The following CHCHD6 variants were observed in gnomAD, a reference collection of about 807,000 sequenced individuals.
CHCHD6 encodes MICOS complex subunit MIC25.
Under a neutral mutation model 32.3 loss-of-function variants are expected in CHCHD6, and 28 were observed. That is an observed-to-expected ratio of 0.87 (90% CI 0.64 to 1.19). CHCHD6 has a LOEUF of 1.19. Among genes scored for constraint, CHCHD6 ranks in the 50% most tolerant of loss-of-function variants. CHCHD6 has a pLI of 0.00. For synonymous variants in CHCHD6, 122 were observed against 117.5 expected (o/e 1.04, Z -0.25); for missense variants, 333 against 307.0 (o/e 1.08, Z -0.63).
chr3:126,747,780 C>T (rs951694844), intron 4 of CHCHD6, among the ~76,000 whole-genome samples: 6 of 152,168 alleles, frequency 3.9e-5, no homozygotes, highest in African/African-American at 1.2e-4. Context: ...CAGAGACTTC[C>T]TCCATGCCCA....
chr3:126,803,871 C>T (rs1939212586), intron 4 of CHCHD6, among the ~76,000 whole-genome samples: 1 of 152,180 alleles, frequency 6.6e-6, no homozygotes, highest in South Asian at 2.1e-4. Context: ...GTCTCTCAGA[C>T]CACAGTGCAA....
intron 2 of CHCHD6, among the ~76,000 whole-genome samples, chr3:126,728,486 A>C (rs1363194257): frequency 2.6e-5 from 4 of 152,178 alleles, no homozygotes; most frequent in African/African-American, 9.7e-5. Flanking sequence ...ACCCACCCCA[A>C]GATCTTTCTG....
At chr3:126,816,297 C>T (rs1939894933) in intron 4 of CHCHD6, among the ~76,000 whole-genome samples, 1 of 152,226 alleles carries the variant, frequency 6.6e-6, no homozygotes, top group Non-Finnish European at 1.5e-5. Flanking sequence ...TTGGCGCTTT[C>T]TCGTTGGCGT....
rs1397977918 is a variant in CHCHD6, at chr3:126,767,153, T to C, written c.411+33931T>C. The C allele has an allele frequency of 7.8e-5, 124 of 1,589,014 alleles. 1 individual carries two copies. Among genetic ancestry groups the C allele is most frequent in the Non-Finnish European group, 1.8e-5 (21 of 1,159,224 alleles). ...ACCATATTCATGGCACCCAAAGGAA[T>C]AGAGGTTTCCTTTGCAGTCCATTAT... On this transcript the variant is annotated intron_variant, in intron 4 of 7. Coordinates refer to ENST00000290913, the MANE Select transcript of CHCHD6 (RefSeq NM_032343.3).
At chr3:126,809,395 C>T (rs1222893540) in intron 4 of CHCHD6, among the ~76,000 whole-genome samples, 1 of 152,204 alleles carries the variant, frequency 6.6e-6, no homozygotes, top group Non-Finnish European at 1.5e-5. Flanking sequence ...TCTTCAAAGA[C>T]ATGCTCAGGA....
At chr3:126,833,053 T>C (rs1312220230) in intron 4 of CHCHD6, among the ~76,000 whole-genome samples, 2 of 152,232 alleles carry the variant, frequency 1.3e-5, no homozygotes, top group African/African-American at 4.8e-5. Context: ...AGTGACACAG[T>C]ATTCATAGGC....
intron 4 of CHCHD6, among the ~76,000 whole-genome samples, chr3:126,843,951 T>G (rs942552107): frequency 6.6e-6 from 1 of 152,240 alleles, no homozygotes; most frequent in African/African-American, 2.4e-5. Context: ...TTATCTGTCA[T>G]TTCCAAGTCT....
intron 1 of CHCHD6, among the ~76,000 whole-genome samples, chr3:126,718,494 A>C (rs13326241): frequency 0.21 from 31,273 of 152,172 alleles, 3,500 homozygotes; most frequent in South Asian, 0.35. Flanking sequence ...GCTGGTATGC[A>C]GCTTAGCTGG....
chr3:126,752,755 G>A (rs1473165742), intron 4 of CHCHD6, among the ~76,000 whole-genome samples: 1 of 152,188 alleles, frequency 6.6e-6, no homozygotes, highest in Non-Finnish European at 1.5e-5. Context: ...GCTGAGGAAG[G>A]GCCCGCTTTT....
At chr3:126,842,090 A>G (rs1941109848) in intron 4 of CHCHD6, among the ~76,000 whole-genome samples, 1 of 152,178 alleles carries the variant, frequency 6.6e-6, no homozygotes, top group Non-Finnish European at 1.5e-5. Flanking sequence ...CTCTACCAAA[A>G]ATAAAAGTAA....
At chr3:126,765,101 G>T (rs1937314169) in intron 4 of CHCHD6, among the ~76,000 whole-genome samples, 1 of 152,176 alleles carries the variant, frequency 6.6e-6, no homozygotes, top group Admixed American at 6.5e-5. Context: ...CATGGAGACA[G>T]TGACAAGTGG....
At chr3:126,714,225 G>A (rs1934902340) in intron 1 of CHCHD6, among the ~76,000 whole-genome samples, 1 of 152,066 alleles carries the variant, frequency 6.6e-6, no homozygotes, top group Non-Finnish European at 1.5e-5. Context: ...TCAGGTGGCT[G>A]TGCAGTCTCA....
intron 4 of CHCHD6, among the ~76,000 whole-genome samples, chr3:126,764,875 C>T (rs1214912621): frequency 4.6e-5 from 7 of 152,158 alleles, no homozygotes; most frequent in African/African-American, 1.7e-4. Flanking sequence ...AGCTTCTCCC[C>T]TGGACTACTG....
intron 4 of CHCHD6, among the ~76,000 whole-genome samples, chr3:126,794,995 C>T (rs1938725166): frequency 6.6e-6 from 1 of 152,024 alleles, no homozygotes. Context: ...TTATTGATAC[C>T]ATTTTTTTTT....
intron 5 of CHCHD6, among the ~76,000 whole-genome samples, chr3:126,869,404 A>G (rs2077435941): frequency 6.6e-6 from 1 of 151,246 alleles, no homozygotes; most frequent in East Asian, 2.0e-4. Context: ...CAATGGATAC[A>G]TCCAAACTTC....
chr3:126,707,143 T>G (rs1176445470), intron 1 of CHCHD6, among the ~76,000 whole-genome samples: 1 of 151,966 alleles, frequency 6.6e-6, no homozygotes, highest in African/African-American at 2.4e-5. Flanking sequence ...GGCACACACC[T>G]GTACACCCAG....
In CHCHD6 at chr3:126,960,287, C is replaced by A; in HGVS notation, c.*86C>A. 1 of 1,494,020 alleles carries A rather than the reference C, an allele frequency of 6.7e-7. No individual in the cohort carries two copies. Among genetic ancestry groups the A allele is most frequent in the South Asian group, 1.2e-5 (1 of 82,968 alleles). 92.5% of individuals were successfully genotyped at this position (1,494,020 alleles called of 1,614,324 possible). A position where few individuals can be genotyped will look rare whatever the true frequency, so the allele number is the denominator to read the frequency against. ...TGGGACCACAGCCACTGTGCCCTGCCGTTTCCTGCTGGGCCCCTGCATATG... is the reference window on the plus strand; with the variant it reads ...TGGGACCACAGCCACTGTGCCCTGCAGTTTCCTGCTGGGCCCCTGCATATG... On this transcript the variant is annotated 3_prime_UTR_variant, in exon 8 of 8. Coordinates refer to ENST00000290913, the MANE Select transcript of CHCHD6 (RefSeq NM_032343.3).
chr3:126,776,479 G>C (rs1415239863), intron 4 of CHCHD6, among the ~76,000 whole-genome samples: 1 of 152,162 alleles, frequency 6.6e-6, no homozygotes, highest in Non-Finnish European at 1.5e-5. Context: ...CCTGTGACCA[G>C]TCCTGCACAC....
chr3:126,805,120 A>G (rs1480498949), intron 4 of CHCHD6, among the ~76,000 whole-genome samples: 1 of 152,164 alleles, frequency 6.6e-6, no homozygotes, highest in Admixed American at 6.5e-5. Flanking sequence ...AACTGGAAGC[A>G]TTCCCTTTGA....
Sources: gnomAD v4.1 joint callset for allele counts (sites outside exome capture counted in the v4.1 genomes callset) on GRCh38, gnomAD v4.1.1 for gene constraint, MANE v1.5 for transcripts, NCBI Gene and HGNC (gene_info 2026-07-23, HGNC 2026-07-21) for gene names.